Variants in PWWP2A observed in about 807,000 individuals in gnomAD.
The protein encoded by PWWP2A is PWWP domain containing 2A, also known as PWWP domain-containing protein 2A.
A neutral mutation model predicts 48.5 loss-of-function variants in PWWP2A; 18 were observed. The ratio of observed to expected loss-of-function variants is 0.37; its 90% CI spans 0.26 to 0.55. The LOEUF is 0.55. PWWP2A is among the 20% of genes least tolerant of loss of function. The pLI is 0.81. For missense variants in PWWP2A, 867 were observed against 976.4 expected, an observed-to-expected ratio of 0.89 and a Z score of 1.49; for synonymous variants, 396 against 387.7, an observed-to-expected ratio of 1.02 and a Z score of -0.25.
At chr5:160,111,085 C>T (rs1757517044) in intron 1 of PWWP2A, among the ~76,000 whole-genome samples, 1 of 151,660 alleles carries the variant, frequency 6.6e-6, no homozygotes, top group African/African-American at 2.4e-5. Context: ...TGTGGGAGGG[C>T]AAGGAGGGAG....
downstream of PWWP2A, among the ~76,000 whole-genome samples, chr5:160,070,967 A>T (rs1753725922): frequency 6.6e-6 from 1 of 152,146 alleles, no homozygotes; most frequent in African/African-American, 2.4e-5. Flanking sequence ...GCGGGCAAAT[A>T]GCTTTAGCCC....
At chr5:160,059,340 A>C (rs1359960252), downstream of PWWP2A, among the ~76,000 whole-genome samples, 1 of 152,194 alleles carries the variant, frequency 6.6e-6, no homozygotes, top group Non-Finnish European at 1.5e-5. Context: ...TTCTTTCCTT[A>C]AAGCAGTTTC....
exon 4 of PWWP2A, chr5:160,076,381 G>A (rs1047180876): frequency 2.0e-5 from 3 of 152,144 alleles, no homozygotes; most frequent in Non-Finnish European, 2.9e-5. Flanking sequence ...AGTACTGCTG[G>A]TGTTATGTAT....
rs1404185849 is a variant in PWWP2A, at chr5:160,077,022, C to T, written c.*1133G>A. ...TACTAACAGGTCCATCTGGTTTTCT[C>T]ATGTTTTCTCCATTCATTAAAAAAG... On this transcript the variant is annotated 3_prime_UTR_variant, in exon 4 of 4. Coordinates refer to the PWWP2A transcript ENST00000456329. The surrounding 1 kb of genome is among the most constrained non-coding windows in gnomAD (Gnocchi z 4.2). 2 of 152,074 alleles carry T rather than the reference C, an allele frequency of 1.3e-5. No homozygotes were observed. Among genetic ancestry groups the T allele is most frequent in the Non-Finnish European group, 2.9e-5 (2 of 68,020 alleles). 9.4% of individuals were successfully genotyped at this position (152,074 alleles called of 1,614,324 possible).
rs1160256425 is a variant in PWWP2A, at chr5:160,078,383, T to C, written c.1670-215A>G. ...TATTCATGTTATTTCTGAAGTATTA[T>C]CAGGCCAGTTTCCAACACAAGTAAA... On this transcript the variant is annotated intron_variant, in intron 3 of 3. Coordinates refer to the PWWP2A transcript ENST00000456329. This position sits in a 1 kb window ranked among gnomAD's most constrained non-coding sequence, Gnocchi z 4.2. 6.6e-6 allele frequency among the ~76,000 whole-genome samples: 1 copy of C among 152,204 alleles called. No homozygotes were observed. The highest frequency in any genetic ancestry group is 1.5e-5 in the Non-Finnish European group (1 of 68,034).
chr5:160,068,162 CAG>C (rs1389188955), intron 2 of PWWP2A, among the ~76,000 whole-genome samples: 1 of 152,190 alleles, frequency 6.6e-6, no homozygotes, highest in Non-Finnish European at 1.5e-5. Flanking sequence ...GCCTAGGTGA[CAG>C]AGCAAGCCTC....
chr5:160,058,784 T>A (rs541724978), downstream of PWWP2A, among the ~76,000 whole-genome samples: 39 of 152,342 alleles, frequency 2.6e-4, 1 homozygote, highest in South Asian at 7.5e-3. Context: ...GTAAAATGGA[T>A]GTTGTGTTAG....
intron 1 of PWWP2A, among the ~76,000 whole-genome samples, chr5:160,103,756 G>GT (rs1756548286): frequency 6.6e-6 from 1 of 152,150 alleles, no homozygotes; most frequent in Non-Finnish European, 1.5e-5. Context: ...AGGAGGGCAT[G>GT]TTGGTGAGTG....
downstream of PWWP2A, chr5:160,090,433 T>C: frequency 2.0e-6 from 2 of 982,704 alleles, no homozygotes; most frequent in Non-Finnish European, 2.4e-6. Flanking sequence ...GAAAATCTTT[T>C]AGGATAGTTC....
rs1248135219 is a variant in PWWP2A at position 160,077,861 on chromosome 5, T to C, written c.*294A>G. 2.9e-6 allele frequency: 1 copy of C among 349,152 alleles called. No individual in the cohort carries two copies. The highest frequency in any genetic ancestry group is 5.3e-6 in the Non-Finnish European group (1 of 189,608). 21.6% of individuals were successfully genotyped at this position (349,152 alleles called of 1,614,324 possible). On this transcript the variant is annotated 3_prime_UTR_variant, in exon 4 of 4. Coordinates refer to the PWWP2A transcript ENST00000456329. The surrounding 1 kb of genome is among the most constrained non-coding windows in gnomAD (Gnocchi z 4.2). ...CACATTCCAAAGAAGTTACTGTCAG[T>C]GTTTCTTCATATATAAAATTCAAGT...
intron 1 of PWWP2A, among the ~76,000 whole-genome samples, chr5:160,106,376 A>C (rs1756897094): frequency 1.3e-5 from 2 of 152,224 alleles, no homozygotes. Context: ...GATTTGCCAG[A>C]GTTAAATGAA....
chr5:160,084,683 G>C (rs539175107), intron 2 of PWWP2A, among the ~76,000 whole-genome samples: 3 of 151,910 alleles, frequency 2.0e-5, no homozygotes, highest in Non-Finnish European at 4.4e-5. Context: ...CTCCTGCCTC[G>C]GTCTCCCAAA....
In PWWP2A at chr5:160,091,376, G is replaced by GTTT. The variant is rs368598091; in HGVS notation, c.*1003_*1005dup. On this transcript the variant is annotated 3_prime_UTR_variant, in exon 2 of 2. Coordinates refer to ENST00000307063, the MANE Select transcript of PWWP2A (RefSeq NM_001130864.2). Reference sequence around the variant, plus strand: ...TGATTTTATTTACAGCTTTTTTTTGGTTTTTTTTTTTTTTTTTACATTTCA... The same window carrying GTTT: ...TGATTTTATTTACAGCTTTTTTTTGGTTTTTTTTTTTTTTTTTTTTACATTTCA... The GTTT allele has an allele frequency of 2.3e-4, 198 of 879,924 alleles. No individual in the cohort carries two copies. The highest frequency in any genetic ancestry group is 4.2e-4 in the South Asian group (8 of 18,936). 54.5% of individuals were successfully genotyped at this position (879,924 alleles called of 1,614,324 possible). A position where few individuals can be genotyped will look rare whatever the true frequency, so the allele number is the denominator to read the frequency against.
downstream of PWWP2A, among the ~76,000 whole-genome samples, chr5:160,072,947 T>C (rs1414396299): frequency 7.5e-6 from 1 of 133,812 alleles, no homozygotes; most frequent in African/African-American, 2.9e-5. Context: ...GAAGTTGCAG[T>C]GTGCCGAGAT....
chr5:160,081,239 CTTTTTTTTT>C, intron 2 of PWWP2A, among the ~76,000 whole-genome samples: 1 of 133,768 alleles, frequency 7.5e-6, no homozygotes, highest in East Asian at 2.2e-4. Context: ...CAATGACCCC[CTTTTTTTTT>C]TTTTTTTTTT....
intron 4 of PWWP2A, chr5:160,065,108 C>T: frequency 1.3e-6 from 2 of 1,593,640 alleles, no homozygotes; most frequent in Non-Finnish European, 1.7e-6. Flanking sequence ...GAATTGTGTG[C>T]TGCTTGCTGT....
At chr5:160,105,042 G>A (rs1021093073) in intron 1 of PWWP2A, among the ~76,000 whole-genome samples, 1 of 152,074 alleles carries the variant, frequency 6.6e-6, no homozygotes, top group Non-Finnish European at 1.5e-5. Context: ...AGGTGTTCAA[G>A]ACATTGTTGT....
At chr5:160,091,011 T>C (rs1755013415), downstream of PWWP2A, 1 of 985,286 alleles carries the variant, frequency 1.0e-6, no homozygotes, top group Non-Finnish European at 1.2e-6. Flanking sequence ...AAGAGACCGG[T>C]TGTAATTACC....
Position 160,077,992 on chromosome 5 carries a change from A to C in PWWP2A, c.*163T>G, listed in dbSNP as rs911812804. 117 of 586,426 alleles carry C rather than the reference A, an allele frequency of 2.0e-4. No individual in the cohort carries two copies. Among genetic ancestry groups the C allele is most frequent in the Middle Eastern group, 2.6e-4 (1 of 3,812 alleles). The allele number at this position is 586,426 out of a possible 1,614,324, so 36.3% of individuals were successfully genotyped here. A position where few individuals can be genotyped will look rare whatever the true frequency, so the allele number is the denominator to read the frequency against. On this transcript the variant is annotated 3_prime_UTR_variant, in exon 4 of 4. Transcript: ENST00000456329. The surrounding 1 kb of genome is among the most constrained non-coding windows in gnomAD (Gnocchi z 4.2). The stretch of plus-strand genomic sequence containing the variant: ...TTCCCTAATACCTTTTCTTCGGTTT[A>C]AGACAGCACAATTTGCAAGTGCCCC...
Sources: allele counts gnomAD v4.1 joint callset (sites outside exome capture counted in the v4.1 genomes callset), GRCh38; gene constraint gnomAD v4.1.1; non-coding constraint Gnocchi (gnomAD v3.1); transcripts MANE v1.5; gene names NCBI Gene and HGNC (gene_info 2026-07-23, HGNC 2026-07-21).